The following ANTXR1 variants were observed in gnomAD, a reference collection of about 807,000 sequenced individuals.
ANTXR1 encodes ANTXR cell adhesion molecule 1.
ANTXR1 carries 19 observed loss-of-function variants against 78.1 expected under a neutral mutation model. The observed-to-expected ratio is 0.24, with a 90% confidence interval of 0.17 to 0.36. The LOEUF (loss-of-function observed/expected upper bound fraction) is 0.36, where lower values mean the gene tolerates loss of function less well. Ranked by LOEUF, ANTXR1 falls within the 10% of genes least tolerant of loss-of-function variation. The probability of loss-of-function intolerance (pLI) is 1.00; values close to 1 mark genes in which losing one functional copy is unlikely to be tolerated. For missense variants in ANTXR1, 518 were observed against 718.6 expected, an observed-to-expected ratio of 0.72 and a Z score of 3.19; for synonymous variants, 273 against 260.5, an observed-to-expected ratio of 1.05 and a Z score of -0.46.
intron 17 of ANTXR1, among the ~76,000 whole-genome samples, chr2:69,241,901 TGTAA>T (rs1255288326): frequency 1.3e-5 from 2 of 152,132 alleles, no homozygotes; most frequent in East Asian, 3.9e-4. Context: ...TCCTAATACC[TGTAA>T]GTGACAGGCG....
At chr2:69,145,942 T>C in intron 12 of ANTXR1, 1 of 985,730 alleles carries the variant, frequency 1.0e-6, no homozygotes. Context: ...GTTCCAAATG[T>C]ATACCTTTGA....
intron 13 of ANTXR1, among the ~76,000 whole-genome samples, chr2:69,168,576 C>T (rs1673894233): frequency 6.6e-6 from 1 of 152,166 alleles, no homozygotes; most frequent in Admixed American, 6.5e-5. Flanking sequence ...ACATCCTGTT[C>T]CCCCTCTCAC....
intron 1 of ANTXR1, among the ~76,000 whole-genome samples, chr2:69,038,790 A>G (rs1331799495): frequency 2.0e-5 from 3 of 152,198 alleles, no homozygotes; most frequent in East Asian, 1.9e-4. Context: ...TGACCAGAGC[A>G]TATTGTACCA....
intron 14 of ANTXR1, among the ~76,000 whole-genome samples, chr2:69,176,815 A>T: frequency 6.6e-6 from 1 of 152,212 alleles, no homozygotes; most frequent in East Asian, 1.9e-4. Context: ...TCTTTCAGTT[A>T]TGTGCTCCTT....
intron 17 of ANTXR1, among the ~76,000 whole-genome samples, chr2:69,213,892 T>A (rs1041378557): frequency 6.6e-6 from 1 of 152,250 alleles, no homozygotes; most frequent in Non-Finnish European, 1.5e-5. Context: ...CATGCCCCCA[T>A]TGCCAGCAGC....
At chr2:69,225,373 G>A (rs903743386) in intron 17 of ANTXR1, among the ~76,000 whole-genome samples, 1 of 152,166 alleles carries the variant, frequency 6.6e-6, no homozygotes, top group Non-Finnish European at 1.5e-5. Flanking sequence ...CCAGCTACTC[G>A]GGAGGCCAAA....
At chr2:69,044,049 T>G (rs191880017) in intron 2 of ANTXR1, among the ~76,000 whole-genome samples, 1 of 152,186 alleles carries the variant, frequency 6.6e-6, no homozygotes, top group African/African-American at 2.4e-5. Flanking sequence ...GAGAAACAAG[T>G]TCGTCCTCAG....
In ANTXR1 at chr2:69,247,744, T is replaced by C. The variant is rs1047449984; in HGVS notation, c.*2259T>C. On this transcript the variant is annotated 3_prime_UTR_variant, in exon 18 of 18. Transcript: ENST00000303714. ...AGTCTAAAACAGTCCACCCACCCCATGGCACTGCCGCGTGATTCCCGCGGC... is the reference window on the plus strand; with the variant it reads ...AGTCTAAAACAGTCCACCCACCCCACGGCACTGCCGCGTGATTCCCGCGGC... The C allele has an allele frequency of 6.6e-6, 1 of 152,448 alleles. No individual in the cohort carries two copies. The highest frequency in any genetic ancestry group is 2.4e-5 in the African/African-American group (1 of 41,462). 9.4% of individuals were successfully genotyped at this position (152,448 alleles called of 1,614,324 possible).
At chr2:69,121,084 T>C (rs4321401) in intron 10 of ANTXR1, among the ~76,000 whole-genome samples, 91,497 of 152,002 alleles carry the variant, frequency 0.6, 28,304 homozygotes, top group East Asian at 0.91. Flanking sequence ...AGCCTTTCCT[T>C]GGGGAAGCAT....
intron 12 of ANTXR1, among the ~76,000 whole-genome samples, chr2:69,149,261 C>A (rs148464533): frequency 6.6e-6 from 1 of 152,164 alleles, no homozygotes; most frequent in Non-Finnish European, 1.5e-5. Flanking sequence ...CCACCACAGC[C>A]AGAGGGAACT....
At position 69,087,597 on chromosome 2, in the gene ANTXR1, G is replaced by A. The variant is rs114099981; in HGVS notation, c.643-3262G>A. ...TCACATGGGATTATACTTGAGGCAT[G>A]CAGTTATCTTATCCCTCTCTCCTCT... On this transcript the variant is annotated intron_variant, in intron 8 of 17. Transcript: ENST00000303714. Among the ~76,000 whole-genome samples, 1,290 of 152,298 alleles carry A rather than the reference G, an allele frequency of 8.5e-3. 16 individuals are homozygous for A. Among genetic ancestry groups the A allele is most frequent in the African/African-American group, 0.03 (1,232 of 41,550 alleles).
chr2:69,171,158 C>T (rs935751926), intron 14 of ANTXR1, among the ~76,000 whole-genome samples: 1 of 152,238 alleles, frequency 6.6e-6, no homozygotes, highest in African/African-American at 2.4e-5. Context: ...GTTCCTCACC[C>T]TTCCCCTTCC....
intron 9 of ANTXR1, among the ~76,000 whole-genome samples, chr2:69,102,091 G>C (rs143967764): frequency 6.6e-6 from 1 of 152,310 alleles, no homozygotes; most frequent in East Asian, 1.9e-4. Context: ...ACTACACTGA[G>C]GGGCTGATAT....
intron 14 of ANTXR1, among the ~76,000 whole-genome samples, chr2:69,171,797 G>A (rs1364457947): frequency 6.6e-6 from 1 of 152,140 alleles, no homozygotes; most frequent in Non-Finnish European, 1.5e-5. Flanking sequence ...TTGGAGCCAA[G>A]TAAAAAAGCC....
chr2:69,134,290 A>G (rs1672849150), intron 12 of ANTXR1, among the ~76,000 whole-genome samples: 2 of 152,208 alleles, frequency 1.3e-5, no homozygotes, highest in Admixed American at 1.3e-4. Flanking sequence ...TACTTAGCAT[A>G]GAGACAATAT....
At chr2:69,114,714 T>A (rs1374900756) in intron 10 of ANTXR1, among the ~76,000 whole-genome samples, 1 of 152,184 alleles carries the variant, frequency 6.6e-6, no homozygotes, top group African/African-American at 2.4e-5. Flanking sequence ...ATTTACATTA[T>A]AAAGCTCCAC....
intron 8 of ANTXR1, among the ~76,000 whole-genome samples, chr2:69,080,631 A>C (rs923831039): frequency 1.3e-5 from 2 of 152,240 alleles, no homozygotes; most frequent in Admixed American, 6.5e-5. Flanking sequence ...TAGAGCTTAC[A>C]ATCCAGTGGG....
intron 10 of ANTXR1, among the ~76,000 whole-genome samples, chr2:69,113,115 C>T (rs1672041068): frequency 6.6e-6 from 1 of 152,198 alleles, no homozygotes; most frequent in Admixed American, 6.5e-5. Context: ...ACGAGGACTC[C>T]AGGCATGTGC....
intron 17 of ANTXR1, among the ~76,000 whole-genome samples, chr2:69,240,083 C>T (rs1419509899): frequency 2.6e-5 from 4 of 152,264 alleles, no homozygotes; most frequent in African/African-American, 9.6e-5. Context: ...GGGGAGGTGA[C>T]TGAGAAGCCC....
Sources: allele counts gnomAD v4.1 joint callset (sites outside exome capture counted in the v4.1 genomes callset), GRCh38; gene constraint gnomAD v4.1.1; transcripts MANE v1.5; gene names NCBI Gene and HGNC (gene_info 2026-07-23, HGNC 2026-07-21).